Variants in PCDH12 observed in about 807,000 individuals in gnomAD.
The protein encoded by PCDH12 is protocadherin 12.
PCDH12 carries 45 observed loss-of-function variants against 70.9 expected under a neutral mutation model. The observed-to-expected ratio is 0.63, with a 90% CI of 0.50 to 0.81. PCDH12 has a LOEUF of 0.81. Ranked by LOEUF, PCDH12 falls within the 40% of genes least tolerant of loss-of-function variation. The pLI, the probability that PCDH12 is intolerant of heterozygous loss-of-function variation, is 0.00. For missense variants in PCDH12, 1,370 were observed against 1,491.7 expected (o/e 0.92, Z 1.34); for synonymous variants, 567 against 626.0 (o/e 0.91, Z 1.41).
Position 141,957,230 on chromosome 5 carries a change from A to G in PCDH12, c.622T>C (p.Ser208Pro). The G allele has an allele frequency of 6.2e-7, 1 of 1,614,146 alleles. No individual in the cohort carries two copies. The highest frequency in any genetic ancestry group is 8.5e-7 in the Non-Finnish European group (1 of 1,180,026). Residue 208 changes from serine to proline, a missense_variant, in exon 1 of 4, where the codon TCA becomes CCA. Coordinates refer to ENST00000231484, the MANE Select transcript of PCDH12 (RefSeq NM_016580.4). The surrounding 1 kb of genome is among the most constrained non-coding windows in gnomAD (Gnocchi z 4.3). Reference protein sequence around the residue: ...VVKELDREIHSFFDLVLTAYD... With the variant: ...VVKELDREIHPFFDLVLTAYD... ...GCAGTTAACACCAGATCAAAAAATG[A>G]ATGGATTTCCCTGTCCAGCTCCTTC...
In PCDH12 at chr5:141,956,500, C is replaced by T. The variant is rs953680336; in HGVS notation, c.1352G>A (p.Ser451Asn). 38 of 1,614,120 alleles carry T rather than the reference C, an allele frequency of 2.4e-5. No individual in the cohort carries two copies. The highest frequency in any genetic ancestry group is 3.1e-5 in the Non-Finnish European group (37 of 1,180,058). Residue 451 changes from serine (S) to asparagine (N), a missense_variant, in exon 1 of 4, where the codon AGT becomes AAT. By Grantham distance (46) the Ser-to-Asn change is conservative (BLOSUM62 1). Transcript: ENST00000231484. ...CACAGGTGCATTGTCGTTGATGTCACTGATCTGAATGCTGAGCTGTTTCTT... is the reference window on the plus strand; with the variant it reads ...CACAGGTGCATTGTCGTTGATGTCATTGATCTGAATGCTGAGCTGTTTCTT... ...SAKKQLSIQI[S>N]DINDNAPVFE...
At chr5:141,949,263 G>T (rs1753023624) in intron 3 of PCDH12, 169 bp downstream of exon 3, 1 of 955,774 alleles carries the variant, frequency 1.0e-6, no homozygotes, top group African/African-American at 1.8e-5. Context: ...GTAGAACCTG[G>T]TCTTTAAAAT....
chr5:141,955,751 G>A lies in PCDH12; in HGVS notation c.2101C>T (p.His701Tyr). The A allele has an allele frequency of 6.2e-7, 1 of 1,614,022 alleles. No individual in the cohort carries two copies. Among genetic ancestry groups the A allele is most frequent in the Non-Finnish European group, 8.5e-7 (1 of 1,179,968 alleles). ...LRVMFVTSVD[H>Y]LRDSARKPGA... ...GGCTTGCGGGCTGAGTCCCTCAGGT[G>A]GTCCACACTGGTGACAAACATGACC... The change falls in exon 1 of 4, where the codon CAC becomes TAC. Residue 701 changes from histidine to tyrosine, a missense_variant. Physicochemically the swap from His to Tyr is moderately conservative, Grantham distance 83. Transcript: ENST00000231484. This position sits in a 1 kb window ranked among gnomAD's most constrained non-coding sequence, Gnocchi z 5.5.
intron 2 of PCDH12, among the ~76,000 whole-genome samples, chr5:141,950,086 G>A (rs759292026): frequency 2.6e-5 from 4 of 152,202 alleles, no homozygotes; most frequent in Non-Finnish European, 5.9e-5. Context: ...AGTGGGTGCT[G>A]AATGAGTGAC....
chr5:141,945,883 G>A (rs1752910038), intron 3 of PCDH12, 78 bp from the exon 4 acceptor site: 3 of 1,326,916 alleles, frequency 2.3e-6, no homozygotes, highest in African/African-American at 2.9e-5. Context: ...CAATGAGCAG[G>A]GCAAGGGCAG....
At position 141,957,292 on chromosome 5, in the gene PCDH12, C is replaced by A; in HGVS notation, c.560G>T (p.Gly187Val). ...SEHFALDVIV[G>V]PDETKHAELI... ...TTCTGCATGTTTGGTCTCATCAGGG[C>A]CCACAATGACATCCAAGGCAAAGTG... Residue 187 changes from glycine to valine, a missense_variant, in exon 1 of 4, where the codon GGC (glycine) becomes GTC (valine). Gly to Val is a moderately radical substitution (Grantham distance 109). Coordinates refer to ENST00000231484, the MANE Select transcript of PCDH12 (RefSeq NM_016580.4). This position sits in a 1 kb window ranked among gnomAD's most constrained non-coding sequence, Gnocchi z 4.3. The A allele has an allele frequency of 6.2e-7, 1 of 1,613,284 alleles. No individual in the cohort carries two copies. Among genetic ancestry groups the A allele is most frequent in the Non-Finnish European group, 8.5e-7 (1 of 1,179,564 alleles).
intron 3 of PCDH12, among the ~76,000 whole-genome samples, chr5:141,948,704 C>T (rs932246148): frequency 2.6e-5 from 4 of 152,202 alleles, no homozygotes; most frequent in South Asian, 2.1e-4. Context: ...GTTTGGCTCC[C>T]CTTCAATCAC....
At chr5:141,952,723 A>AT (rs1220577859) in intron 1 of PCDH12, 3 of 152,264 alleles carry the variant, frequency 2.0e-5, no homozygotes, top group African/African-American at 7.2e-5. Flanking sequence ...CTCATCTCTA[A>AT]TAGGGGGCTA....
At chr5:141,953,335 G>GTC (rs1753120798) in intron 1 of PCDH12, 1 of 152,202 alleles carries the variant, frequency 6.6e-6, no homozygotes, top group South Asian at 2.1e-4. Context: ...GGGTTACGAG[G>GTC]TTTAAATGAG....
At position 141,953,412 on chromosome 5, in the gene PCDH12, A is replaced by G. The variant is rs548276443; in HGVS notation, c.2880+1560T>C. 3.3e-5 allele frequency: 5 copies of G among 152,366 alleles called. No homozygotes were observed. The South Asian group carries it at 1.0e-3, about 32-fold the overall frequency. The allele number at this position is 152,366 out of a possible 1,614,324, so 9.4% of individuals were successfully genotyped here. On this transcript the variant is annotated intron_variant, in intron 1 of 3. Transcript: ENST00000231484. ...TGTATAATCTCATTTAATTCTTACA[A>G]CAGCCTAAGGGAAGAGATACCATTA... is the stretch of plus-strand genomic sequence containing the variant.
Position 141,956,216 on chromosome 5 carries a change from C to A in PCDH12, c.1636G>T (p.Ala546Ser), listed in dbSNP as rs1020478271. The change falls in exon 1 of 4, where the codon GCA (alanine) becomes TCA (serine). Residue 546 changes from alanine to serine, a missense_variant. Ala to Ser is a moderately conservative substitution (Grantham distance 99). Coordinates refer to ENST00000231484, the MANE Select transcript of PCDH12 (RefSeq NM_016580.4). ...IAEDSGQPML[A>S]SSVSVWVSLL... ...CTGACCCACACAGAGACACTGGATG[C>A]AAGCATGGGTTGCCCGCTGTCCTCT... 14 of 1,614,116 alleles carry A rather than the reference C, an allele frequency of 8.7e-6. No homozygotes were observed. Among genetic ancestry groups the A allele is most frequent in the African/African-American group, 1.3e-5 (1 of 74,940 alleles).
chr5:141,951,523 T>C lies in PCDH12; in HGVS notation c.2948A>G (p.Asn983Ser), dbSNP rs2126922187. ...QFQPKPNHRGNKYLAKPGGSR... is the reference protein window; with the variant it reads ...QFQPKPNHRGSKYLAKPGGSR... ...GCCTCCTGGCTTGGCCAAGTACTTA[T>C]TTCCTCGGTGGTTTGGTTTGGGCTG... Residue 983 changes from asparagine to serine, a missense_variant, in exon 2 of 4, where the codon AAT (asparagine) becomes AGT (serine). Physicochemically the swap from Asn to Ser is conservative, Grantham distance 46. Transcript: ENST00000231484. 2 of 1,614,190 alleles carry C rather than the reference T, an allele frequency of 1.2e-6. No homozygotes were observed. The highest frequency in any genetic ancestry group is 1.7e-6 in the Non-Finnish European group (2 of 1,180,028).
At chr5:141,946,981 G>A (rs1410058385) in intron 3 of PCDH12, among the ~76,000 whole-genome samples, 3 of 151,636 alleles carry the variant, frequency 2.0e-5, no homozygotes, top group African/African-American at 2.4e-5. Flanking sequence ...TAAAATCTGC[G>A]CACAGAATGA....
At position 141,957,325 on chromosome 5, in the gene PCDH12, G is replaced by A; in HGVS notation, c.527C>T (p.Pro176Leu). Residue 176 changes from proline (P) to leucine (L), a missense_variant, in exon 1 of 4, where the codon CCC (proline) becomes CTC (leucine). Pro to Leu is a moderately conservative substitution (Grantham distance 98, BLOSUM62 -3). Transcript: ENST00000231484. The surrounding 1 kb of genome is among the most constrained non-coding windows in gnomAD (Gnocchi z 4.3). ...GACATCCAAGGCAAAGTGCTCACTG[G>A]GAGACAGAGTGTAGGTGTGCAGGGT... Reference protein sequence around the residue: ...PNTLHTYTLSPSEHFALDVIV... With the variant: ...PNTLHTYTLSLSEHFALDVIV... 6.2e-7 allele frequency: 1 copy of A among 1,613,422 alleles called. No homozygotes were observed. Among genetic ancestry groups the A allele is most frequent in the Non-Finnish European group, 8.5e-7 (1 of 1,179,640 alleles).
Position 141,944,200 on chromosome 5 carries a change from A to C in PCDH12, c.*1181T>G, listed in dbSNP as rs1467167444. The C allele has an allele frequency of 6.6e-6, 1 of 152,248 alleles. No homozygotes were observed. Among genetic ancestry groups the C allele is most frequent in the African/African-American group, 2.4e-5 (1 of 41,462 alleles). The allele number at this position is 152,248 out of a possible 1,614,324, so 9.4% of individuals were successfully genotyped here. A position where few individuals can be genotyped will look rare whatever the true frequency, so the allele number is the denominator to read the frequency against. ...TGCCGATTTCATAGACCCAGTTCAC[A>C]CAGCGTCCTCTGGGATTCACAAGCC... On this transcript the variant is annotated 3_prime_UTR_variant, in exon 4 of 4. Transcript: ENST00000231484.
chr5:141,950,809 G>A (rs1324808686), intron 2 of PCDH12, among the ~76,000 whole-genome samples: 1 of 152,214 alleles, frequency 6.6e-6, no homozygotes, highest in Non-Finnish European at 1.5e-5. Context: ...AAGGGGAAAG[G>A]AGTTAGCATT....
intron 2 of PCDH12, among the ~76,000 whole-genome samples, chr5:141,950,721 A>T (rs1753063937): frequency 6.6e-6 from 1 of 152,202 alleles, no homozygotes; most frequent in African/African-American, 2.4e-5. Flanking sequence ...AAGAGCACTG[A>T]TGCAGGAGTC....
In PCDH12 at chr5:141,955,334, C is replaced by T; in HGVS notation, c.2518G>A (p.Glu840Lys). 4 of 1,614,190 alleles carry T rather than the reference C, an allele frequency of 2.5e-6. No individual in the cohort carries two copies. Among genetic ancestry groups the T allele is most frequent in the Non-Finnish European group, 3.4e-6 (4 of 1,180,034 alleles). The change falls in exon 1 of 4, where the codon GAG becomes AAG. Residue 840 changes from glutamate to lysine, a missense_variant. Physicochemically the swap from Glu to Lys is moderately conservative, Grantham distance 56. Coordinates refer to ENST00000231484, the MANE Select transcript of PCDH12 (RefSeq NM_016580.4). The surrounding 1 kb of genome is among the most constrained non-coding windows in gnomAD (Gnocchi z 5.5). ...GNQGAPAESR[E>K]VLQDTVNLLF... Reference sequence around the variant, plus strand: ...AGGTTGACCGTGTCTTGCAGCACCTCTCGGCTCTCCGCCGGTGCTCCCTGG... The same window carrying T: ...AGGTTGACCGTGTCTTGCAGCACCTTTCGGCTCTCCGCCGGTGCTCCCTGG...
rs61737141 is a variant in PCDH12 at position 141,949,494 on chromosome 5, T to G, written c.3068A>C (p.Glu1023Ala). 1.6e-3 allele frequency: 2,528 copies of G among 1,614,172 alleles called. 39 individuals carry two copies. The African/African-American group carries it at 0.029, about 19-fold the overall frequency. The change falls in exon 3 of 4, where the codon GAG becomes GCG. Residue 1023 changes from glutamate to alanine, a missense_variant. By Grantham distance (107) the Glu-to-Ala change is moderately radical. Coordinates refer to ENST00000231484, the MANE Select transcript of PCDH12 (RefSeq NM_016580.4). ...TAGCAGTTGCTTCACAGAGAGGTCC[T>G]CTTCAGGATCCAAAGGCCCTTCCTC... is the stretch of plus-strand genomic sequence containing the variant. ...EQEEGPLDPE[E>A]DLSVKQLLEE...
Sources: allele counts gnomAD v4.1 joint callset (sites outside exome capture counted in the v4.1 genomes callset), GRCh38; gene constraint gnomAD v4.1.1; non-coding constraint Gnocchi (gnomAD v3.1); transcripts MANE v1.5; gene names NCBI Gene and HGNC (gene_info 2026-07-23, HGNC 2026-07-21).